ERBB4: variants seen among roughly 807,000 people sequenced by gnomAD.
The protein encoded by ERBB4 is receptor tyrosine-protein kinase erbB-4.
In ERBB4, 42 loss-of-function variants were observed where a neutral mutation model predicts 158.0. The ratio of observed to expected loss-of-function variants is 0.27; its 90% CI spans 0.21 to 0.34. The LOEUF (loss-of-function observed/expected upper bound fraction) is 0.34, where lower values mean the gene tolerates loss of function less well. Ranked by LOEUF, ERBB4 falls within the 10% of genes least tolerant of loss-of-function variation. The probability of loss-of-function intolerance (pLI) is 1.00; values close to 1 mark genes in which losing one functional copy is unlikely to be tolerated. For synonymous variants in ERBB4, 583 were observed against 558.7 expected, an observed-to-expected ratio of 1.04 and a Z score of -0.61; for missense variants, 1,333 against 1,624.1, an observed-to-expected ratio of 0.82 and a Z score of 3.08.
At chr2:212,222,772 T>C (rs1326879899) in intron 1 of ERBB4, among the ~76,000 whole-genome samples, 1 of 151,578 alleles carries the variant, frequency 6.6e-6, no homozygotes, top group African/African-American at 2.4e-5. Flanking sequence ...TTCCTAATTT[T>C]GCATATTTTG....
chr2:212,515,942 A>T (rs76506642), intron 1 of ERBB4, among the ~76,000 whole-genome samples: 3,174 of 152,188 alleles, frequency 0.021, 107 homozygotes, highest in African/African-American at 0.072. Context: ...CAATAAAAGC[A>T]TAAAGGACAA....
At chr2:211,502,271 G>A (rs1464238031) in intron 20 of ERBB4, among the ~76,000 whole-genome samples, 1 of 152,024 alleles carries the variant, frequency 6.6e-6, no homozygotes, top group Admixed American at 6.5e-5. Context: ...AACAAATTTG[G>A]GAAGAAGATA....
At chr2:211,545,989 C>T (rs2066930803) in intron 20 of ERBB4, among the ~76,000 whole-genome samples, 1 of 152,066 alleles carries the variant, frequency 6.6e-6, no homozygotes, top group South Asian at 2.1e-4. Flanking sequence ...CATCACCACT[C>T]AGCTCACCCT....
rs148243973 is a variant in ERBB4, at chr2:212,464,892, T to TCACACACACA, written c.82+73547_82+73556dup. 3.8e-3 allele frequency among the ~76,000 whole-genome samples: 551 copies of TCACACACACA among 146,134 alleles called. 5 individuals carry two copies. Among genetic ancestry groups the TCACACACACA allele is most frequent in the African/African-American group, 0.011 (440 of 39,994 alleles). On this transcript the variant is annotated intron_variant, in intron 1 of 27. Transcript: ENST00000342788. The stretch of plus-strand genomic sequence containing the variant: ...TGCAATCTATTTAGAAAGGGAAACA[T>TCACACACACA]CACACACACACACACACACACACAC...
At chr2:212,382,347 A>G (rs1159473339) in intron 1 of ERBB4, among the ~76,000 whole-genome samples, 1 of 150,756 alleles carries the variant, frequency 6.6e-6, no homozygotes, top group South Asian at 2.1e-4. Flanking sequence ...ACATATGTGC[A>G]TATACACTTA....
intron 25 of ERBB4, among the ~76,000 whole-genome samples, chr2:211,397,741 G>A (rs1312494885): frequency 3.3e-5 from 5 of 152,020 alleles, no homozygotes; most frequent in East Asian, 3.9e-4. Context: ...TTTCTGCCCC[G>A]GCTCCGTGGA....
intron 15 of ERBB4, among the ~76,000 whole-genome samples, chr2:211,658,774 A>T (rs561920087): frequency 3.3e-5 from 5 of 152,194 alleles, no homozygotes; most frequent in Admixed American, 6.5e-5. Flanking sequence ...TAAAGAATAC[A>T]GTGAGACTAA....
intron 19 of ERBB4, among the ~76,000 whole-genome samples, chr2:211,596,280 A>C (rs1241390822): frequency 2.6e-5 from 4 of 152,196 alleles, no homozygotes; most frequent in Non-Finnish European, 5.9e-5. Context: ...GACAAATATC[A>C]AAATGTCCAA....
intron 1 of ERBB4, among the ~76,000 whole-genome samples, chr2:212,332,171 C>T (rs115629915): frequency 0.027 from 4,033 of 152,048 alleles, 176 homozygotes; most frequent in African/African-American, 0.092. Flanking sequence ...AATATGGGGG[C>T]AAGTCTTTCG....
chr2:211,796,633 ACT>A (rs2076388609), intron 3 of ERBB4, among the ~76,000 whole-genome samples: 1 of 151,456 alleles, frequency 6.6e-6, no homozygotes, highest in African/African-American at 2.4e-5. Flanking sequence ...CATTGTAGTC[ACT>A]CTTATTGGTG....
intron 2 of ERBB4, among the ~76,000 whole-genome samples, chr2:212,039,714 C>A (rs1011313537): frequency 2.6e-5 from 4 of 152,060 alleles, no homozygotes; most frequent in Non-Finnish European, 4.4e-5. Context: ...ATTATGATTA[C>A]CTCTTTCAGA....
chr2:211,675,862 T>G (rs13001867), intron 13 of ERBB4, among the ~76,000 whole-genome samples: 57,526 of 143,132 alleles, frequency 0.4, 13,039 homozygotes, highest in East Asian at 0.9. Flanking sequence ...TTTGATTACT[T>G]TCAGTAGTTT....
At chr2:212,111,926 C>T (rs1353721736) in intron 2 of ERBB4, among the ~76,000 whole-genome samples, 1 of 152,098 alleles carries the variant, frequency 6.6e-6, no homozygotes, top group Admixed American at 6.5e-5. Flanking sequence ...TCAACTATTA[C>T]AGATAGCACT....
At chr2:211,673,784 A>G (rs978676844) in intron 13 of ERBB4, among the ~76,000 whole-genome samples, 1 of 152,098 alleles carries the variant, frequency 6.6e-6, no homozygotes, top group African/African-American at 2.4e-5. Flanking sequence ...TTCTCCTTTT[A>G]AAATATCTGC....
At chr2:212,522,617 C>T (rs16848749) in intron 1 of ERBB4, among the ~76,000 whole-genome samples, 2,169 of 151,992 alleles carry the variant, frequency 0.014, 48 homozygotes, top group African/African-American at 0.05. Flanking sequence ...AAGAGGACCA[C>T]AGCCAGACAG....
chr2:212,188,882 C>G (rs900355065), intron 1 of ERBB4, among the ~76,000 whole-genome samples: 2 of 152,086 alleles, frequency 1.3e-5, no homozygotes, highest in Non-Finnish European at 2.9e-5. Context: ...AAGCCTGTCA[C>G]TATTCCTGAC....
intron 16 of ERBB4, among the ~76,000 whole-genome samples, chr2:211,631,692 T>C (rs1160391926): frequency 6.6e-6 from 1 of 152,088 alleles, no homozygotes; most frequent in East Asian, 1.9e-4. Context: ...GTGGTCAGAG[T>C]TCTTAATCAT....
intron 3 of ERBB4, among the ~76,000 whole-genome samples, chr2:211,908,784 T>C (rs1233142107): frequency 1.3e-5 from 2 of 151,666 alleles, no homozygotes; most frequent in African/African-American, 2.4e-5. Context: ...AGTACAAACA[T>C]GAAGACATTT....
intron 1 of ERBB4, among the ~76,000 whole-genome samples, chr2:212,242,237 T>A (rs1308462409): frequency 6.6e-6 from 1 of 151,644 alleles, no homozygotes; most frequent in African/African-American, 2.4e-5. Flanking sequence ...GAGAAAGCAT[T>A]AATATTTAAA....
Sources: gnomAD v4.1 joint callset for allele counts (sites outside exome capture counted in the v4.1 genomes callset) on GRCh38, gnomAD v4.1.1 for gene constraint, MANE v1.5 for transcripts, NCBI Gene and HGNC (gene_info 2026-07-23, HGNC 2026-07-21) for gene names.